NEK1: variants seen among roughly 807,000 people sequenced by gnomAD.
NEK1 encodes the protein serine/threonine-protein kinase Nek1.
A neutral mutation model predicts 182.1 loss-of-function variants in NEK1; 137 were observed. The ratio of observed to expected loss-of-function variants is 0.75; its 90% CI spans 0.65 to 0.87. NEK1 has a LOEUF of 0.87. Among genes scored for constraint, NEK1 ranks in the 40% least tolerant of loss-of-function variants. The probability of loss-of-function intolerance (pLI) is 0.00; values close to 1 mark genes in which losing one functional copy is unlikely to be tolerated. For missense variants in NEK1, 1,391 were observed against 1,494.4 expected (o/e 0.93, Z 1.14); for synonymous variants, 513 against 492.2 (o/e 1.04, Z -0.56).
chr4:169,599,096 T>C lies in NEK1; in HGVS notation c.312+4A>G. ...AAGAGTCAATTTCCTAAATGCAAAC[T>C]TACCTGATCCTCTTGAAACAAAACG... On this transcript the variant is annotated splice_donor_region_variant and intron_variant, in intron 5 of 35. Transcript: ENST00000507142. The C allele has an allele frequency of 6.2e-7, 1 of 1,610,812 alleles. No individual in the cohort carries two copies. Among genetic ancestry groups the C allele is most frequent in the African/African-American group, 1.3e-5 (1 of 74,994 alleles).
At chr4:169,544,470 T>C (rs1260965945) in intron 18 of NEK1, among the ~76,000 whole-genome samples, 1 of 152,218 alleles carries the variant, frequency 6.6e-6, no homozygotes, top group Non-Finnish European at 1.5e-5. Flanking sequence ...ATCAGGATGA[T>C]GCTGGCCTCA....
intron 5 of NEK1, among the ~76,000 whole-genome samples, chr4:169,591,676 A>G (rs1305863760): frequency 6.6e-6 from 1 of 152,116 alleles, no homozygotes; most frequent in Admixed American, 6.5e-5. Context: ...GCATTTTTAA[A>G]CTAAAAAAAA....
chr4:169,432,290 T>C (rs1737589440), intron 29 of NEK1, among the ~76,000 whole-genome samples: 1 of 152,192 alleles, frequency 6.6e-6, no homozygotes, highest in Admixed American at 6.6e-5. Flanking sequence ...TCAGACATTC[T>C]TTCTGAAAGT....
At chr4:169,585,326 A>ATTTTAAACCCTACTGT in intron 10 of NEK1, 23 bp downstream of exon 10, 1 of 1,592,848 alleles carries the variant, frequency 6.3e-7, no homozygotes, top group East Asian at 2.2e-5. Context: ...CTACTGTTTA[A>ATTTTAAACCCTACTGT]TTTTAAAGGA....
chr4:169,418,951 TCC>T (rs1734997887), intron 31 of NEK1, among the ~76,000 whole-genome samples: 1 of 152,030 alleles, frequency 6.6e-6, no homozygotes, highest in Admixed American at 6.5e-5. Flanking sequence ...ACAGCATTGG[TCC>T]CATAAGATTA....
intron 27 of NEK1, among the ~76,000 whole-genome samples, chr4:169,449,581 C>T (rs750838509): frequency 2.0e-5 from 3 of 152,168 alleles, no homozygotes; most frequent in Non-Finnish European, 2.9e-5. Context: ...AGATCTGCAG[C>T]TGAGGGACCT....
At chr4:169,423,750 C>T (rs1407325059) in intron 31 of NEK1, among the ~76,000 whole-genome samples, 1 of 151,804 alleles carries the variant, frequency 6.6e-6, no homozygotes, top group African/African-American at 2.4e-5. Context: ...GGTGTGATTA[C>T]AACAACAAAA....
chr4:169,511,916 T>C (rs973707390), intron 19 of NEK1, among the ~76,000 whole-genome samples: 21 of 152,188 alleles, frequency 1.4e-4, no homozygotes, highest in Non-Finnish European at 2.8e-4. Context: ...GGTCCATCTA[T>C]GGTATTGCAA....
At chr4:169,541,061 T>C (rs1428711148) in intron 18 of NEK1, among the ~76,000 whole-genome samples, 1 of 151,880 alleles carries the variant, frequency 6.6e-6, no homozygotes, top group African/African-American at 2.4e-5. Flanking sequence ...GAAGACAACA[T>C]AAAAATAAGT....
chr4:169,445,865 T>TATATATATATATATACACACAC (rs569539235), intron 27 of NEK1, among the ~76,000 whole-genome samples: 2 of 143,266 alleles, frequency 1.4e-5, no homozygotes, highest in African/African-American at 5.6e-5. Context: ...TATATATATA[T>TATATATATATATATACACACAC]ACACACACAC....
At chr4:169,500,560 T>C (rs115073869) in intron 23 of NEK1, among the ~76,000 whole-genome samples, 1,824 of 152,320 alleles carry the variant, frequency 0.012, 32 homozygotes, top group African/African-American at 0.041. Context: ...ACAATGGATT[T>C]CTTAGCAGAA....
intron 35 of NEK1, among the ~76,000 whole-genome samples, chr4:169,396,975 A>T (rs1222653712): frequency 6.6e-6 from 1 of 152,182 alleles, no homozygotes; most frequent in African/African-American, 2.4e-5. Context: ...TCACACCTGT[A>T]ATCCTAACAC....
intron 31 of NEK1, among the ~76,000 whole-genome samples, chr4:169,412,723 T>C (rs1733876706): frequency 6.6e-6 from 1 of 152,168 alleles, no homozygotes; most frequent in African/African-American, 2.4e-5. Context: ...CTTTGCCTTA[T>C]GATACTTTTA....
chr4:169,536,662 G>GA (rs1561367473), intron 19 of NEK1, among the ~76,000 whole-genome samples: 1 of 151,630 alleles, frequency 6.6e-6, no homozygotes, highest in Admixed American at 6.6e-5. Context: ...TCTCCAGCAT[G>GA]AAAAAAAATA....
intron 29 of NEK1, among the ~76,000 whole-genome samples, chr4:169,428,389 C>A (rs7441335): frequency 0.82 from 108,400 of 132,562 alleles, 44,769 homozygotes; most frequent in South Asian, 0.91. Context: ...TATTATTCAG[C>A]CATAAAAAGA....
At chr4:169,482,777 C>T (rs1416453942) in intron 23 of NEK1, among the ~76,000 whole-genome samples, 1 of 152,060 alleles carries the variant, frequency 6.6e-6, no homozygotes, top group African/African-American at 2.4e-5. Context: ...GCTGGGATTA[C>T]AGGCACACAC....
intron 18 of NEK1, among the ~76,000 whole-genome samples, chr4:169,545,154 T>A: frequency 6.7e-6 from 1 of 148,952 alleles, no homozygotes; most frequent in East Asian, 2.1e-4. Context: ...CTGCACCCAC[T>A]AACTCGTCAT....
intron 4 of NEK1, among the ~76,000 whole-genome samples, chr4:169,600,205 A>AT (rs141114486): frequency 0.025 from 3,759 of 149,734 alleles, 144 homozygotes; most frequent in African/African-American, 0.086. Flanking sequence ...TTCCAGCAGT[A>AT]TTTTTTTTTT....
intron 18 of NEK1, 34 bp from the exon 19 acceptor site, chr4:169,537,945 G>C: frequency 7.0e-7 from 1 of 1,424,194 alleles, no homozygotes; most frequent in Non-Finnish European, 9.6e-7. Context: ...CAGCCATCCT[G>C]AACAGAAAAT....
Sources: gnomAD v4.1 joint callset for allele counts (sites outside exome capture counted in the v4.1 genomes callset) on GRCh38, gnomAD v4.1.1 for gene constraint, MANE v1.5 for transcripts, NCBI Gene and HGNC (gene_info 2026-07-23, HGNC 2026-07-21) for gene names.